Variants in INPP5D observed in about 807,000 individuals in gnomAD.
INPP5D encodes the protein phosphatidylinositol 3,4,5-trisphosphate 5-phosphatase 1.
A neutral mutation model predicts 122.9 loss-of-function variants in INPP5D; 33 were observed. The observed-to-expected ratio is 0.27, with a 90% CI of 0.20 to 0.36. The LOEUF is 0.36. INPP5D is among the 10% of genes least tolerant of loss of function. INPP5D has a pLI of 1.00. For synonymous variants in INPP5D, 584 were observed against 576.2 expected (o/e 1.01, Z -0.19); for missense variants, 1,053 against 1,412.7 (o/e 0.75, Z 4.08).
At chr2:233,187,030 T>G (rs924713353) in intron 21 of INPP5D, among the ~76,000 whole-genome samples, 1 of 151,970 alleles carries the variant, frequency 6.6e-6, no homozygotes, top group African/African-American at 2.4e-5. Flanking sequence ...ACATTTTTTT[T>G]TAAATTAGCC....
In INPP5D at chr2:233,065,239, T is replaced by C. The variant is rs111872327; in HGVS notation, c.134+4627T>C. ...TCCAGAGATTAGGCTCCAGCTTTGA[T>C]GCTTTGCATGTTTGTCTACCTGGTA... On this transcript the variant is annotated intron_variant, in intron 1 of 26. Transcript: ENST00000445964. 1.3e-3 allele frequency among the ~76,000 whole-genome samples: 191 copies of C among 152,078 alleles called. 1 individual carries two copies. Among genetic ancestry groups the C allele is most frequent in the African/African-American group, 4.4e-3 (183 of 41,444 alleles).
intron 13 of INPP5D, 35 bp from the exon 14 acceptor site, chr2:233,169,270 G>T: frequency 6.4e-7 from 1 of 1,565,788 alleles, no homozygotes; most frequent in Non-Finnish European, 8.7e-7. Flanking sequence ...GTGTCTGTTT[G>T]ATATTTTGAT....
chr2:233,125,693 C>T (rs994093062), intron 3 of INPP5D, 52 bp from the exon 4 acceptor site: 17 of 1,539,744 alleles, frequency 1.1e-5, no homozygotes, highest in South Asian at 4.9e-5. Context: ...CGGTGAAGGC[C>T]GGGTTGTGCG....
At chr2:233,124,170 G>T (rs566917667) in intron 3 of INPP5D, among the ~76,000 whole-genome samples, 2 of 150,888 alleles carry the variant, frequency 1.3e-5, no homozygotes, top group Non-Finnish European at 2.9e-5. Context: ...ATACCTAACC[G>T]GGCCCCTCAG....
intron 6 of INPP5D, among the ~76,000 whole-genome samples, chr2:233,142,174 A>G (rs1483538742): frequency 6.6e-6 from 1 of 152,210 alleles, no homozygotes; most frequent in Non-Finnish European, 1.5e-5. Flanking sequence ...ATTTGGTGGC[A>G]GGACAGAGCA....
intron 2 of INPP5D, among the ~76,000 whole-genome samples, chr2:233,113,974 C>G (rs145599545): frequency 0.012 from 1,847 of 149,594 alleles, 36 homozygotes; most frequent in African/African-American, 0.043. Context: ...GCAGTGGCGC[C>G]ATCTCAGCTC....
intron 18 of INPP5D, among the ~76,000 whole-genome samples, chr2:233,181,844 C>T (rs1694792837): frequency 2.0e-5 from 3 of 152,202 alleles, no homozygotes. Context: ...CGTCTGTAAT[C>T]CCAGCACTTG....
At chr2:233,143,812 G>C (rs1379626840) in intron 6 of INPP5D, among the ~76,000 whole-genome samples, 2 of 152,126 alleles carry the variant, frequency 1.3e-5, no homozygotes, top group Non-Finnish European at 2.9e-5. Flanking sequence ...TAGGAGTGGA[G>C]ATGGTGGTGG....
chr2:233,116,244 G>GAT (rs1441084928), intron 2 of INPP5D, among the ~76,000 whole-genome samples: 6 of 97,292 alleles, frequency 6.2e-5, no homozygotes, highest in East Asian at 6.7e-4. Flanking sequence ...TAGATAGATA[G>GAT]ATAGATAGAT....
At chr2:233,178,336 A>G (rs1413508294) in intron 18 of INPP5D, among the ~76,000 whole-genome samples, 1 of 152,186 alleles carries the variant, frequency 6.6e-6, no homozygotes, top group African/African-American at 2.4e-5. Flanking sequence ...GGAGTTCTTA[A>G]TTGCCTGAAT....
intron 6 of INPP5D, chr2:233,145,872 A>G: frequency 1.7e-6 from 1 of 578,996 alleles, no homozygotes. Context: ...GTAACATGCA[A>G]GGACAGTCCT....
At chr2:233,093,756 T>C (rs574707628) in intron 2 of INPP5D, among the ~76,000 whole-genome samples, 2 of 152,004 alleles carry the variant, frequency 1.3e-5, no homozygotes, top group Admixed American at 1.3e-4. Flanking sequence ...ATGGTAGAGA[T>C]GGACAGTCTT....
intron 17 of INPP5D, among the ~76,000 whole-genome samples, chr2:233,172,313 C>T (rs1040476875): frequency 2.6e-5 from 4 of 152,334 alleles, no homozygotes; most frequent in Middle Eastern, 6.8e-3. Context: ...GCCAGGATGA[C>T]AGGCCACAGG....
intron 2 of INPP5D, among the ~76,000 whole-genome samples, chr2:233,115,388 T>C (rs1692759330): frequency 6.6e-6 from 1 of 152,182 alleles, no homozygotes; most frequent in Admixed American, 6.5e-5. Flanking sequence ...ACTGGGAAAC[T>C]TGAGCCTGTG....
At chr2:233,071,760 A>G (rs1691388398) in intron 1 of INPP5D, among the ~76,000 whole-genome samples, 1 of 152,176 alleles carries the variant, frequency 6.6e-6, no homozygotes, top group South Asian at 2.1e-4. Flanking sequence ...TTATACTCTT[A>G]TTACTATTGT....
chr2:233,191,211 A>C (rs1695048705), intron 22 of INPP5D, among the ~76,000 whole-genome samples: 1 of 152,214 alleles, frequency 6.6e-6, no homozygotes, highest in Non-Finnish European at 1.5e-5. Flanking sequence ...ACATGATGGC[A>C]GGAAGGAGAA....
At chr2:233,129,661 G>A (rs1693261567) in intron 4 of INPP5D, among the ~76,000 whole-genome samples, 1 of 152,030 alleles carries the variant, frequency 6.6e-6, no homozygotes. Context: ...CAGCCCCATC[G>A]CTAATCACTC....
chr2:233,086,332 C>A (rs1691849672), intron 2 of INPP5D, among the ~76,000 whole-genome samples: 1 of 152,014 alleles, frequency 6.6e-6, no homozygotes, highest in Non-Finnish European at 1.5e-5. Flanking sequence ...GCACCTGCCA[C>A]CATGCCGGGC....
intron 2 of INPP5D, among the ~76,000 whole-genome samples, chr2:233,114,779 C>T (rs756946607): frequency 5.3e-5 from 8 of 152,192 alleles, no homozygotes; most frequent in African/African-American, 1.7e-4. Context: ...GTGTTTTCAC[C>T]GTCCTCTCTA....
Sources: gnomAD v4.1 joint callset for allele counts (sites outside exome capture counted in the v4.1 genomes callset) on GRCh38, gnomAD v4.1.1 for gene constraint, MANE v1.5 for transcripts, NCBI Gene and HGNC (gene_info 2026-07-23, HGNC 2026-07-21) for gene names.